PPP4R1: variants seen among roughly 807,000 people sequenced by gnomAD.
PPP4R1 encodes serine/threonine-protein phosphatase 4 regulatory subunit 1.
In PPP4R1, 42 loss-of-function variants were observed where a neutral mutation model predicts 111.2. The observed-to-expected ratio is 0.38, with a 90% confidence interval of 0.29 to 0.49. The LOEUF is 0.49. Ranked by LOEUF, PPP4R1 falls within the 20% of genes least tolerant of loss-of-function variation. PPP4R1 has a pLI of 0.97. For missense variants in PPP4R1, 1,012 were observed against 1,161.6 expected (o/e 0.87, Z 1.87); for synonymous variants, 409 against 405.5 (o/e 1.01, Z -0.10).
chr18:9,599,525 A>G (rs2067345471), intron 2 of PPP4R1: 1 of 152,222 alleles, frequency 6.6e-6, no homozygotes, highest in South Asian at 2.1e-4. Flanking sequence ...AATGGTCTAA[A>G]TAGCCCAACT....
chr18:9,561,218 C>CTAATAATAATAA (rs111924050), intron 13 of PPP4R1, among the ~76,000 whole-genome samples: 47 of 139,112 alleles, frequency 3.4e-4, no homozygotes, highest in African/African-American at 4.5e-4. Flanking sequence ...GACTCCATCT[C>CTAATAATAATAA]TAATAATAAT....
At position 9,584,732 on chromosome 18, in the gene PPP4R1, G is replaced by C; in HGVS notation, c.682C>G (p.His228Asp). 2.5e-6 allele frequency: 4 copies of C among 1,613,598 alleles called. No homozygotes were observed. Among genetic ancestry groups the C allele is most frequent in the Non-Finnish European group, 3.4e-6 (4 of 1,179,688 alleles). Reference sequence around the variant, plus strand: ...CGACAAAAAAATACCTTTCGAACGTGAAACATTCTGCAATCGCAGCACATC... The same window carrying C: ...CGACAAAAAAATACCTTTCGAACGTCAAACATTCTGCAATCGCAGCACATC... ...CEMCCDCRMF[H>D]VRKVCAANFG... Residue 228 changes from histidine to aspartate, a missense_variant, in exon 7 of 20, where the codon CAC becomes GAC. His to Asp is a moderately conservative substitution (Grantham distance 81, BLOSUM62 -1). Coordinates refer to ENST00000400556, the MANE Select transcript of PPP4R1 (RefSeq NM_001042388.3).
chr18:9,560,648 G>A (rs1184629916), intron 13 of PPP4R1, among the ~76,000 whole-genome samples: 1 of 152,104 alleles, frequency 6.6e-6, no homozygotes, highest in Admixed American at 6.5e-5. Context: ...GTGGGGAAAA[G>A]CATGTTTCAA....
In PPP4R1 at chr18:9,559,540, G is replaced by A. The variant is rs1408426143; in HGVS notation, c.1907C>T (p.Thr636Met). The change falls in exon 14 of 20, where the codon ACG becomes ATG. Residue 636 changes from threonine (T) to methionine (M), a missense_variant. This residue lies in a region of PPP4R1 where 305 missense variants were observed against 419.5 expected (regional missense o/e 0.73). Coordinates refer to ENST00000400556, the MANE Select transcript of PPP4R1 (RefSeq NM_001042388.3). ...GTGCTTAGCAATTTCAGTGTCAACC[G>A]TCTGTGCACGAGAAGGGTCAGTCAT... ...LSMTDPSRAQTVDTEIAKHCA... is the reference protein window; with the variant it reads ...LSMTDPSRAQMVDTEIAKHCA... 7.4e-6 allele frequency: 12 copies of A among 1,613,338 alleles called. No homozygotes were observed. Among genetic ancestry groups the A allele is most frequent in the East Asian group, 6.7e-5 (3 of 44,888 alleles).
At position 9,559,538 on chromosome 18, in the gene PPP4R1, C is replaced by T; in HGVS notation, c.1909G>A (p.Val637Ile). The T allele has an allele frequency of 1.2e-6, 2 of 1,613,586 alleles. No individual in the cohort carries two copies. Among genetic ancestry groups the T allele is most frequent in the Non-Finnish European group, 1.7e-6 (2 of 1,179,644 alleles). Residue 637 changes from valine (V) to isoleucine (I), a missense_variant, in exon 14 of 20, where the codon GTT (valine) becomes ATT (isoleucine). Physicochemically the swap from Val to Ile is conservative, Grantham distance 29. Around this residue, in one of 2 missense-constraint regions of PPP4R1, gnomAD observed 305 missense variants for 419.5 expected, o/e 0.73. Transcript: ENST00000400556. ...CAGTGCTTAGCAATTTCAGTGTCAACCGTCTGTGCACGAGAAGGGTCAGTC... is the reference window on the plus strand; with the variant it reads ...CAGTGCTTAGCAATTTCAGTGTCAATCGTCTGTGCACGAGAAGGGTCAGTC... Reference protein sequence around the residue: ...SMTDPSRAQTVDTEIAKHCAY... With the variant: ...SMTDPSRAQTIDTEIAKHCAY...
Position 9,614,295 on chromosome 18 carries a change from G to T in PPP4R1, c.8-25C>A, listed in dbSNP as rs777805022. ...TCTGCGCCGAGGGGAGAGAAGAAAG[G>T]CCCGGTCAGCGCCCCGGGGCCCGGC... On this transcript the variant is annotated intron_variant, in intron 1 of 19. Transcript: ENST00000400556. The surrounding 1 kb of genome is among the most constrained non-coding windows in gnomAD (Gnocchi z 4.1). 10 of 1,258,100 alleles carry T rather than the reference G, an allele frequency of 7.9e-6. No homozygotes were observed. Among genetic ancestry groups the T allele is most frequent in the Non-Finnish European group, 1.0e-5 (10 of 989,818 alleles). The allele number at this position is 1,258,100 out of a possible 1,614,324, so 77.9% of individuals were successfully genotyped here. A position where few individuals can be genotyped will look rare whatever the true frequency, so the allele number is the denominator to read the frequency against.
chr18:9,594,350 TA>T (rs1426014001), intron 3 of PPP4R1: 1 of 152,522 alleles, frequency 6.6e-6, no homozygotes, highest in African/African-American at 2.4e-5. Flanking sequence ...GTATTGATTT[TA>T]TTTTAACAAG....
intron 6 of PPP4R1, 101 bp from the exon 7 acceptor site, chr18:9,584,929 GAT>G: frequency 1.1e-6 from 1 of 942,054 alleles, no homozygotes; most frequent in East Asian, 2.6e-5. Flanking sequence ...CATAAAATAT[GAT>G]ATGGCATCAT....
intron 2 of PPP4R1, chr18:9,613,481 T>TC (rs2145382283): frequency 6.6e-6 from 1 of 152,304 alleles, no homozygotes; most frequent in Admixed American, 6.5e-5. Context: ...TCAGAAACTT[T>TC]GTCTTTTTAA....
At chr18:9,577,496 C>G (rs2066955861) in intron 9 of PPP4R1, among the ~76,000 whole-genome samples, 1 of 152,144 alleles carries the variant, frequency 6.6e-6, no homozygotes, top group Admixed American at 6.5e-5. Flanking sequence ...GAAATCCAGT[C>G]TCTACAAAAA....
At chr18:9,572,673 C>T (rs183004176) in intron 10 of PPP4R1, among the ~76,000 whole-genome samples, 206 of 152,336 alleles carry the variant, frequency 1.4e-3, no homozygotes, top group African/African-American at 4.8e-3. Flanking sequence ...TGAGCTCCCA[C>T]TTAAACAGTC....
At chr18:9,615,029 A>G (rs1318904581), upstream of PPP4R1, 2 of 151,948 alleles carry the variant, frequency 1.3e-5, no homozygotes, top group East Asian at 3.9e-4. Flanking sequence ...GTCGTCGGCG[A>G]TCCGGGGCCG....
chr18:9,563,112 T>C (rs1204334759), intron 12 of PPP4R1: 1 of 1,151,212 alleles, frequency 8.7e-7, no homozygotes, highest in African/African-American at 1.6e-5. Context: ...TAAGACTATT[T>C]CACTGCAGTG....
intron 11 of PPP4R1, among the ~76,000 whole-genome samples, chr18:9,567,161 T>C (rs1023954320): frequency 2.6e-5 from 4 of 152,168 alleles, no homozygotes; most frequent in Non-Finnish European, 4.4e-5. Flanking sequence ...TCACGATTCA[T>C]GGGAGGAGGT....
intron 2 of PPP4R1, among the ~76,000 whole-genome samples, chr18:9,602,451 C>T (rs990864100): frequency 6.8e-6 from 1 of 147,426 alleles, no homozygotes; most frequent in Non-Finnish European, 1.5e-5. Flanking sequence ...GAGGCTGAGG[C>T]AGGAGAATGG....
chr18:9,566,936 T>C (rs1235665970), intron 11 of PPP4R1, among the ~76,000 whole-genome samples: 1 of 152,178 alleles, frequency 6.6e-6, no homozygotes, highest in Non-Finnish European at 1.5e-5. Context: ...TAGAGGCGTA[T>C]GAGGAGACAA....
In PPP4R1 at chr18:9,547,818, C is replaced by T. The variant is rs199567079; in HGVS notation, c.2824G>A (p.Ala942Thr). The change falls in exon 20 of 20, where the codon GCC becomes ACC. Residue 942 changes from alanine to threonine, a missense_variant. By Grantham distance (58) the Ala-to-Thr change is moderately conservative. This residue lies in a region of PPP4R1 where 305 missense variants were observed against 419.5 expected (regional missense o/e 0.73). Coordinates refer to ENST00000400556, the MANE Select transcript of PPP4R1 (RefSeq NM_001042388.3). Reference protein sequence around the residue: ...HPASTKISEDAMSTASSTY With the variant: ...HPASTKISEDTMSTASSTY ...TAGGTTGAGGACGCTGTGCTCATGG[C>T]ATCTTCGGAGATTTTGGTACTGGCA... 24 of 1,613,364 alleles carry T rather than the reference C, an allele frequency of 1.5e-5. No homozygotes were observed. Among genetic ancestry groups the T allele is most frequent in the Non-Finnish European group, 2.0e-5 (24 of 1,180,014 alleles).
At position 9,601,161 on chromosome 18, in the gene PPP4R1, G is replaced by C. The variant is rs80158105; in HGVS notation, c.53-6008C>G. ...TCTGAATTTTTTAAATGACCAAAAA[G>C]CATGCAATACAGTGTTCAAACCAGG... On this transcript the variant is annotated intron_variant, in intron 2 of 19. Transcript: ENST00000400556. 9.3e-5 allele frequency among the ~76,000 whole-genome samples: 14 copies of C among 149,760 alleles called. No homozygotes were observed. The East Asian group carries it at 2.8e-3, about 30-fold the overall frequency.
intron 18 of PPP4R1, 110 bp downstream of exon 18, chr18:9,549,939 TAAG>T (rs1302110491): frequency 2.7e-5 from 39 of 1,457,150 alleles, no homozygotes; most frequent in Non-Finnish European, 3.3e-5. Flanking sequence ...CAGGCTACTA[TAAG>T]GTTCTGTTCC....
Sources: gnomAD v4.1 joint callset for allele counts (sites outside exome capture counted in the v4.1 genomes callset) on GRCh38, gnomAD v4.1.1 for gene constraint, gnomAD v4.1.1 regional missense constraint, Gnocchi (gnomAD v3.1) non-coding constraint, MANE v1.5 for transcripts, NCBI Gene and HGNC (gene_info 2026-07-23, HGNC 2026-07-21) for gene names.